Variants in PADI1 observed in about 807,000 individuals in gnomAD.
PADI1 encodes the protein protein-arginine deiminase type-1.
A neutral mutation model predicts 74.8 loss-of-function variants in PADI1; 65 were observed. The observed-to-expected ratio is 0.87, with a 90% CI of 0.71 to 1.07. The LOEUF (loss-of-function observed/expected upper bound fraction) is 1.07. Among genes scored for constraint, PADI1 ranks in the 50% least tolerant of loss-of-function variants. The probability of loss-of-function intolerance (pLI) is 0.00; values close to 1 mark genes in which losing one functional copy is unlikely to be tolerated. For missense variants in PADI1, 943 were observed against 854.0 expected (o/e 1.10, Z -1.30); for synonymous variants, 371 against 336.2 (o/e 1.10, Z -1.13).
intron 15 of PADI1, 76 bp downstream of exon 15, chr1:17,240,836 G>A: frequency 6.5e-7 from 1 of 1,541,782 alleles, no homozygotes; most frequent in Non-Finnish European, 8.8e-7. Flanking sequence ...CCCAGGGCAG[G>A]CTGGTGCAGA....
At chr1:17,212,204 G>T (rs1262330305) in intron 1 of PADI1, among the ~76,000 whole-genome samples, 1 of 152,224 alleles carries the variant, frequency 6.6e-6, no homozygotes, top group Admixed American at 6.5e-5. Flanking sequence ...GGGCCCTGCT[G>T]CCTGACCCTA....
chr1:17,228,890 G>A (rs981408283), intron 7 of PADI1, 58 bp from the exon 8 acceptor site: 4 of 1,582,646 alleles, frequency 2.5e-6, no homozygotes, highest in Admixed American at 1.7e-5. Flanking sequence ...GGGCTGGGGG[G>A]GCTTGAGGCA....
chr1:17,230,330 G>A (rs905333189), intron 9 of PADI1, 122 bp downstream of exon 9: 21 of 1,263,616 alleles, frequency 1.7e-5, no homozygotes, highest in Non-Finnish European at 2.1e-5. Flanking sequence ...GGCCTCTGGG[G>A]CGAGGGCTTT....
Position 17,244,524 on chromosome 1 carries a change from T to G in PADI1, c.*281T>G. ...TCAACAATGTTAGCATGTTCCAGAA[T>G]GGCTGTGGGAGGCCTAGGGAGATGG... On this transcript the variant is annotated 3_prime_UTR_variant, in exon 16 of 16. Coordinates refer to ENST00000375471, the MANE Select transcript of PADI1 (RefSeq NM_013358.3). The G allele has an allele frequency of 1.9e-6, 1 of 530,912 alleles. No homozygotes were observed. Among genetic ancestry groups the G allele is most frequent in the Non-Finnish European group, 3.6e-6 (1 of 275,600 alleles). 32.9% of individuals were successfully genotyped at this position (530,912 alleles called of 1,614,324 possible). A position where few individuals can be genotyped will look rare whatever the true frequency, so the allele number is the denominator to read the frequency against.
At position 17,205,201 on chromosome 1, in the gene PADI1, G is replaced by A. The variant is rs753694403; in HGVS notation, c.-17G>A. 1 of 1,610,302 alleles carries A rather than the reference G, an allele frequency of 6.2e-7. No homozygotes were observed. Among genetic ancestry groups the A allele is most frequent in the Admixed American group, 1.7e-5 (1 of 59,976 alleles). Reference sequence around the variant, plus strand: ...GGAGCCAGGGCTGATCTAGGAGGCTGGGAGCCAGGTGACAGGATGGCCCCA... The same window carrying A: ...GGAGCCAGGGCTGATCTAGGAGGCTAGGAGCCAGGTGACAGGATGGCCCCA... On this transcript the variant is annotated 5_prime_UTR_variant, in exon 1 of 16. Transcript: ENST00000375471.
chr1:17,230,788 G>C, intron 10 of PADI1, 109 bp downstream of exon 10: 2 of 670,036 alleles, frequency 3.0e-6, no homozygotes, highest in Non-Finnish European at 5.2e-6. Flanking sequence ...ACAGGAAGAG[G>C]GGGCAGAAGG....
chr1:17,238,550 A>T, intron 12 of PADI1, 66 bp from the exon 13 acceptor site: 1 of 828,706 alleles, frequency 1.2e-6, no homozygotes, highest in Non-Finnish European at 1.8e-6. Flanking sequence ...CTGAGTCCTG[A>T]GTCTGGGGTC....
intron 6 of PADI1, among the ~76,000 whole-genome samples, chr1:17,228,382 C>G (rs545240876): frequency 1.3e-5 from 2 of 152,336 alleles, no homozygotes; most frequent in South Asian, 4.1e-4. Flanking sequence ...CCAGGTGCTT[C>G]TATCTCTTTA....
At position 17,244,076 on chromosome 1, in the gene PADI1, C is replaced by T. The variant is rs150066553; in HGVS notation, c.1825C>T (p.Arg609Cys). Residue 609 changes from arginine to cysteine, a missense_variant, in exon 16 of 16, where the codon CGC becomes TGC. By Grantham distance (180) the Arg-to-Cys change is radical. Transcript: ENST00000375471. ...PKPYGPIING[R>C]CCLEEKVQSL... ...GCCCTACGGGCCCATCATCAATGGC[C>T]GCTGCTGCCTGGAGGAGAAGGTGCA... 149 of 1,614,220 alleles carry T rather than the reference C, an allele frequency of 9.2e-5. No individual in the cohort carries two copies. In the African/African-American group the frequency reaches 1.1e-3, roughly 12 times the overall value.
Position 17,240,772 on chromosome 1 carries a change from T to A in PADI1, c.1758+12T>A, listed in dbSNP as rs752134405. The A allele has an allele frequency of 1.2e-6, 2 of 1,612,714 alleles. No homozygotes were observed. The highest frequency in any genetic ancestry group is 1.7e-6 in the Non-Finnish European group (2 of 1,179,122). On this transcript the variant is annotated intron_variant, in intron 15 of 15. Transcript: ENST00000375471. Reference sequence around the variant, plus strand: ...TCTTCCCAGACATGGTGAGAGCCCTTGTGCAGGGTCCTGCTGGGGGGTCTG... The same window carrying A: ...TCTTCCCAGACATGGTGAGAGCCCTAGTGCAGGGTCCTGCTGGGGGGTCTG...
chr1:17,235,470 G>T (rs1256981766), intron 11 of PADI1, among the ~76,000 whole-genome samples: 1 of 152,150 alleles, frequency 6.6e-6, no homozygotes, highest in East Asian at 1.9e-4. Flanking sequence ...AGGCAGGAGG[G>T]GGCTCTGCGG....
chr1:17,245,023 G>T lies in PADI1; in HGVS notation c.*780G>T, dbSNP rs2072854990. 6.1e-6 allele frequency: 1 copy of T among 164,500 alleles called. No homozygotes were observed. The highest frequency in any genetic ancestry group is 1.3e-5 in the Non-Finnish European group (1 of 75,490). 10.2% of individuals were successfully genotyped at this position (164,500 alleles called of 1,614,324 possible). ...GGATGACGGGGCAGGAGGGGATGAG[G>T]TCAGGGTAGCAGAGTGTGTGACGAC... On this transcript the variant is annotated 3_prime_UTR_variant, in exon 16 of 16. Coordinates refer to ENST00000375471, the MANE Select transcript of PADI1 (RefSeq NM_013358.3). This position sits in a 1 kb window ranked among gnomAD's most constrained non-coding sequence, Gnocchi z 4.1.
chr1:17,206,613 A>T (rs1322736466), intron 1 of PADI1, among the ~76,000 whole-genome samples: 1 of 151,338 alleles, frequency 6.6e-6, no homozygotes, highest in Non-Finnish European at 1.5e-5. Flanking sequence ...TTTTTAGTAT[A>T]TTGCATGGGA....
At chr1:17,221,985 C>G (rs1179961733) in intron 1 of PADI1, among the ~76,000 whole-genome samples, 1 of 152,172 alleles carries the variant, frequency 6.6e-6, no homozygotes, top group African/African-American at 2.4e-5. Context: ...GTGGCTTGGG[C>G]CGCAGTGATG....
intron 2 of PADI1, chr1:17,223,415 A>C: frequency 1.7e-6 from 1 of 575,364 alleles, no homozygotes; most frequent in Non-Finnish European, 3.1e-6. Flanking sequence ...TGCTCTGGGA[A>C]CCAAGGTGGG....
intron 1 of PADI1, among the ~76,000 whole-genome samples, chr1:17,217,191 T>C (rs367563779): frequency 1.3e-5 from 2 of 152,054 alleles, no homozygotes; most frequent in African/African-American, 4.8e-5. Context: ...TCAGAACTTG[T>C]TGGGGTGGGG....
rs1490157433 is a variant in PADI1, at chr1:17,232,899, C to G, written c.1242C>G (p.Val414=). The G allele has an allele frequency of 6.2e-7, 1 of 1,613,454 alleles. No homozygotes were observed. Among genetic ancestry groups the G allele is most frequent in the Non-Finnish European group, 8.5e-7 (1 of 1,179,938 alleles). The change falls in exon 11 of 16, where the codon GTC becomes GTG. Residue 414 remains valine (V), a synonymous_variant. Transcript: ENST00000375471. ...TTGACTCCTTCGGCAACCTGGACGT[C>G]AGCCCGCCCGTCACGGTGGGCGGCA... ...SSLDSFGNLD[V]SPPVTVGGTE... is the part of the protein sequence containing the mutation.
At chr1:17,241,172 C>T (rs2072768398) in intron 15 of PADI1, among the ~76,000 whole-genome samples, 1 of 152,242 alleles carries the variant, frequency 6.6e-6, no homozygotes, top group Admixed American at 6.5e-5. Context: ...CTTGCTGCTC[C>T]CCAGTGGGGG....
chr1:17,208,255 G>T (rs2071732239), intron 1 of PADI1, among the ~76,000 whole-genome samples: 1 of 152,158 alleles, frequency 6.6e-6, no homozygotes. Context: ...TTCCCCCAGG[G>T]GCTGTGTGAA....
Sources: allele counts gnomAD v4.1 joint callset (sites outside exome capture counted in the v4.1 genomes callset), GRCh38; gene constraint gnomAD v4.1.1; non-coding constraint Gnocchi (gnomAD v3.1); transcripts MANE v1.5; gene names NCBI Gene and HGNC (gene_info 2026-07-23, HGNC 2026-07-21).